The following UNC13A variants were observed in gnomAD, a reference collection of about 807,000 sequenced individuals.
UNC13A encodes protein unc-13 homolog A.
A neutral mutation model predicts 219.7 loss-of-function variants in UNC13A; 61 were observed. The observed-to-expected ratio is 0.28, with a 90% CI of 0.23 to 0.34. UNC13A has a LOEUF of 0.34. Ranked by LOEUF, UNC13A falls within the 10% of genes least tolerant of loss-of-function variation. The probability of loss-of-function intolerance (pLI) is 1.00; values close to 1 mark genes in which losing one functional copy is unlikely to be tolerated. For missense variants in UNC13A, 1,476 were observed against 2,270.3 expected (o/e 0.65, Z 7.11); for synonymous variants, 920 against 884.6 (o/e 1.04, Z -0.71).
At chr19:17,608,458 A>C (rs1045902807) in intron 43 of UNC13A, among the ~76,000 whole-genome samples, 1 of 139,722 alleles carries the variant, frequency 7.2e-6, no homozygotes, top group Non-Finnish European at 1.5e-5. Context: ...ATATAATATA[A>C]TATAAATACA....
intron 43 of UNC13A, 108 bp downstream of exon 43, chr19:17,609,832 C>T: frequency 6.7e-7 from 1 of 1,489,450 alleles, no homozygotes; most frequent in South Asian, 1.2e-5. Context: ...TGGCCCCTCC[C>T]ATTCCCGGGC....
At position 17,648,989 on chromosome 19, in the gene UNC13A, G is replaced by A. The variant is rs2079295560; in HGVS notation, c.1525-6C>T. ...TTCCTGGACTGGACCAGGGACTGGG[G>A]AGGTCACAGAAGAGGGAGTCGGGGG... On this transcript the variant is annotated splice_polypyrimidine_tract_variant and splice_region_variant and intron_variant, in intron 14 of 43. Coordinates refer to ENST00000519716, the MANE Select transcript of UNC13A (RefSeq NM_001080421.3). The A allele has an allele frequency of 1.9e-6, 3 of 1,596,594 alleles. No individual in the cohort carries two copies. The African/African-American group carries it at 4.0e-5, about 21-fold the overall frequency.
chr19:17,650,091 T>C (rs1262601478), intron 12 of UNC13A, among the ~76,000 whole-genome samples: 1 of 152,170 alleles, frequency 6.6e-6, no homozygotes, highest in African/African-American at 2.4e-5. Context: ...CTGTGGTACT[T>C]TGTGACAGCA....
chr19:17,607,982 C>T (rs1309368268), intron 43 of UNC13A, among the ~76,000 whole-genome samples: 1 of 148,748 alleles, frequency 6.7e-6, no homozygotes, highest in Non-Finnish European at 1.5e-5. Context: ...TGGGTTCAAG[C>T]GATTCTCGTA....
chr19:17,655,173 G>A (rs533588332), intron 11 of UNC13A, 101 bp downstream of exon 11: 32 of 940,002 alleles, frequency 3.4e-5, no homozygotes, highest in Non-Finnish European at 4.0e-5. Flanking sequence ...GGTGTTGGGC[G>A]TGGCCAATAT....
At chr19:17,642,427 C>T (rs2076981205) in intron 20 of UNC13A, among the ~76,000 whole-genome samples, 1 of 152,224 alleles carries the variant, frequency 6.6e-6, no homozygotes, top group Admixed American at 6.5e-5. Flanking sequence ...TCTCTCCATC[C>T]ATCCTTTTAT....
At chr19:17,620,961 G>A (rs927075174) in intron 37 of UNC13A, among the ~76,000 whole-genome samples, 2 of 152,106 alleles carry the variant, frequency 1.3e-5, no homozygotes, top group African/African-American at 4.8e-5. Context: ...GAGGCTGGAA[G>A]CAGCCTCATC....
chr19:17,615,328 C>T (rs1453402497), intron 41 of UNC13A, among the ~76,000 whole-genome samples: 1 of 151,920 alleles, frequency 6.6e-6, no homozygotes, highest in Non-Finnish European at 1.5e-5. Flanking sequence ...GCTGCAGTGA[C>T]CTGAGATTTC....
At chr19:17,628,071 C>A in intron 31 of UNC13A, 131 bp from the exon 32 acceptor site, 2 of 793,710 alleles carry the variant, frequency 2.5e-6, no homozygotes, top group South Asian at 1.6e-5. Context: ...ATGGGGTCAC[C>A]TGCAAATGGA....
chr19:17,624,132 T>G lies in UNC13A; in HGVS notation c.4198-585A>C, dbSNP rs1331252759. Among the ~76,000 whole-genome samples, 15 of 151,172 alleles carry G rather than the reference T, an allele frequency of 9.9e-5. No individual in the cohort carries two copies. The South Asian group carries it at 1.7e-3, about 17-fold the overall frequency. ...ATGTCTATGCCTTCTCTTTTTTTTT[T>G]TTGTTTTTTTGAGAAAGGGTCTCGT... On this transcript the variant is annotated intron_variant, in intron 35 of 43. Transcript: ENST00000519716.
At chr19:17,622,351 T>C (rs1262166974) in intron 36 of UNC13A, 1 of 158,848 alleles carries the variant, frequency 6.3e-6, no homozygotes, top group East Asian at 1.8e-4. Flanking sequence ...ATGGGGATAA[T>C]AATATCCACC....
At chr19:17,631,022 A>C (rs2076837641) in intron 28 of UNC13A, among the ~76,000 whole-genome samples, 1 of 150,392 alleles carries the variant, frequency 6.6e-6, no homozygotes, top group Non-Finnish European at 1.5e-5. Flanking sequence ...AAGTGGGTTT[A>C]TTCTCTGAGT....
Position 17,639,198 on chromosome 19 carries a change from G to A in UNC13A, c.2966C>T (p.Pro989Leu), listed in dbSNP as rs770656051. ...FRMKVQELQS[P>L]PRASQVVKDC... The stretch of plus-strand genomic sequence containing the variant: ...CTTTACCACCTGGCTGGCTCGGGGC[G>A]GGCTCTGGAGTTCTTGTACCTGAAG... The change falls in exon 25 of 44, where the codon CCG (proline) becomes CTG (leucine). Residue 989 changes from proline (P) to leucine (L), a missense_variant. By Grantham distance (98) the Pro-to-Leu change is moderately conservative (BLOSUM62 -3). This residue lies in a region of UNC13A where 140 missense variants were observed against 270.9 expected (regional missense o/e 0.52). Transcript: ENST00000519716. The A allele has an allele frequency of 5.6e-6, 9 of 1,613,804 alleles. No individual in the cohort carries two copies. The highest frequency in any genetic ancestry group is 2.7e-5 in the African/African-American group (2 of 74,894).
At chr19:17,614,718 C>T (rs2076643431) in intron 41 of UNC13A, among the ~76,000 whole-genome samples, 1 of 152,146 alleles carries the variant, frequency 6.6e-6, no homozygotes, top group Non-Finnish European at 1.5e-5. Context: ...CACCCCAGTA[C>T]TGGGGTATGT....
intron 19 of UNC13A, among the ~76,000 whole-genome samples, chr19:17,644,971 C>T (rs1358479214): frequency 6.7e-6 from 1 of 149,978 alleles, no homozygotes; most frequent in Non-Finnish European, 1.5e-5. Context: ...GGATTAATTA[C>T]AGATGTGAGC....
In UNC13A at chr19:17,636,173, G is replaced by A. The variant is rs1599359571; in HGVS notation, c.3082-16C>T. The A allele has an allele frequency of 6.3e-7, 1 of 1,583,084 alleles. No individual in the cohort carries two copies. On this transcript the variant is annotated splice_polypyrimidine_tract_variant and intron_variant, in intron 25 of 43. Transcript: ENST00000519716. ...CCTTCTTGGCCTGAAATGGACAGTG[G>A]AGACCTCGGTTATAGGGGGTCCAGA...
intron 1 of UNC13A, among the ~76,000 whole-genome samples, chr19:17,684,657 T>A (rs1338729999): frequency 6.6e-6 from 1 of 152,218 alleles, no homozygotes; most frequent in African/African-American, 2.4e-5. Context: ...TATGTGTTGG[T>A]GCTGGGTGTA....
At chr19:17,607,920 C>T (rs373206940) in intron 43 of UNC13A, among the ~76,000 whole-genome samples, 5 of 147,862 alleles carry the variant, frequency 3.4e-5, no homozygotes, top group South Asian at 4.3e-4. Context: ...TGCTCTGTCG[C>T]CCAGGCTGGA....
rs1335741943 is a variant in UNC13A, at chr19:17,663,626, A to G, written c.524-59T>C. The stretch of plus-strand genomic sequence containing the variant: ...AGCAGACAGAGGGGTGGGTGTAGGA[A>G]GGGGGCTCCCCTGCTGTCCTCACTC... On this transcript the variant is annotated intron_variant, in intron 7 of 43. Transcript: ENST00000519716. 7.1e-6 allele frequency: 11 copies of G among 1,550,516 alleles called. No homozygotes were observed. The African/African-American group carries it at 1.1e-4, about 15-fold the overall frequency.
Sources: gnomAD v4.1 joint callset for allele counts (sites outside exome capture counted in the v4.1 genomes callset) on GRCh38, gnomAD v4.1.1 for gene constraint, gnomAD v4.1.1 regional missense constraint, MANE v1.5 for transcripts, NCBI Gene and HGNC (gene_info 2026-07-23, HGNC 2026-07-21) for gene names.